Variants in PTCHD4 observed in about 807,000 individuals in gnomAD.
PTCHD4 encodes patched domain containing 4.
Under a neutral mutation model 58.1 loss-of-function variants are expected in PTCHD4, and 33 were observed. The ratio of observed to expected loss-of-function variants is 0.57; its 90% CI spans 0.43 to 0.76. The LOEUF is 0.76. PTCHD4 is among the 30% of genes least tolerant of loss of function. The pLI is 0.00. For synonymous variants in PTCHD4, 478 were observed against 409.6 expected, an observed-to-expected ratio of 1.17 and a Z score of -2.02; for missense variants, 1,058 against 1,027.1, an observed-to-expected ratio of 1.03 and a Z score of -0.41.
rs368422663 is a variant in PTCHD4 at position 47,953,654 on chromosome 6, C to T, written c.898+54980G>A. 1.4e-4 allele frequency among the ~76,000 whole-genome samples: 22 copies of T among 152,148 alleles called. No homozygotes were observed. The East Asian group carries it at 2.9e-3, about 20-fold the overall frequency. ...AAGTAGAATGAAGCCACGTGTATCTCGGTCCAAAGTGCTTTGCATGTAAAA... is the reference window on the plus strand; with the variant it reads ...AAGTAGAATGAAGCCACGTGTATCTTGGTCCAAAGTGCTTTGCATGTAAAA... On this transcript the variant is annotated intron_variant, in intron 4 of 4. Transcript: ENST00000339488.
At chr6:47,880,896 C>G (rs1030404570) in intron 4 of PTCHD4, among the ~76,000 whole-genome samples, 1 of 152,158 alleles carries the variant, frequency 6.6e-6, no homozygotes, top group Non-Finnish European at 1.5e-5. Flanking sequence ...AGGTATTATA[C>G]TATATCTGCA....
rs147061904 is a variant in PTCHD4 at position 48,010,135 on chromosome 6, G to A, written c.418-1021C>T. On this transcript the variant is annotated intron_variant, in intron 3 of 4. Transcript: ENST00000339488. ...TGGCAATGGTTCTCAGAATACTGAA[G>A]CTAGTAGCAGGTTGCATGATGAAGT... Among the ~76,000 whole-genome samples the A allele has an allele frequency of 7.9e-5, 12 of 152,328 alleles. No homozygotes were observed. The East Asian group carries it at 2.3e-3, about 29-fold the overall frequency.
At chr6:48,009,146 AC>A (rs1243119380) in intron 3 of PTCHD4, 32 bp from the exon 4 acceptor site, 1 of 1,563,258 alleles carries the variant, frequency 6.4e-7, no homozygotes. Context: ...GACTTCAGTT[AC>A]GGATGTATAT....
intron 3 of PTCHD4, among the ~76,000 whole-genome samples, chr6:48,051,626 A>G (rs184785238): frequency 6.6e-6 from 1 of 151,968 alleles, no homozygotes; most frequent in Admixed American, 6.6e-5. Context: ...CCTGCTTTGT[A>G]TTCATTTTTT....
chr6:47,900,201 T>A (rs1458608342), intron 4 of PTCHD4: 2 of 152,230 alleles, frequency 1.3e-5, no homozygotes, highest in Non-Finnish European at 2.9e-5. Flanking sequence ...TTTTAGGAAC[T>A]GTCAGACTAT....
chr6:48,074,303 G>T (rs1253624776), intron 1 of PTCHD4, among the ~76,000 whole-genome samples: 1 of 152,182 alleles, frequency 6.6e-6, no homozygotes, highest in Non-Finnish European at 1.5e-5. Context: ...TATAGAGCTG[G>T]TTAATTTAGA....
intron 4 of PTCHD4, among the ~76,000 whole-genome samples, chr6:47,984,754 T>C (rs989542368): frequency 6.6e-6 from 1 of 152,002 alleles, no homozygotes; most frequent in African/African-American, 2.4e-5. Flanking sequence ...ACTATAAATA[T>C]GGTTTAATTA....
chr6:47,867,543 A>G lies in PTCHD4; in HGVS notation c.*10760T>C, dbSNP rs1763603248. On this transcript the variant is annotated 3_prime_UTR_variant, in exon 5 of 5. Transcript: ENST00000339488. ...CCCCATATCCTGGCAATGCTTTATA[A>G]TACCACTCACAATGGGCGCTTCCTT... Among the ~76,000 whole-genome samples, 1 of 151,646 alleles carries G rather than the reference A, an allele frequency of 6.6e-6. No homozygotes were observed. The highest frequency in any genetic ancestry group is 1.5e-5 in the Non-Finnish European group (1 of 67,790).
intron 4 of PTCHD4, among the ~76,000 whole-genome samples, chr6:47,968,294 A>G (rs1354101872): frequency 1.3e-5 from 2 of 152,210 alleles, no homozygotes; most frequent in African/African-American, 4.8e-5. Context: ...GATGTCTTAC[A>G]TGGGTGTGGT....
intron 1 of PTCHD4, among the ~76,000 whole-genome samples, chr6:48,088,193 C>A (rs919611898): frequency 6.6e-5 from 10 of 152,036 alleles, no homozygotes; most frequent in Admixed American, 3.3e-4. Flanking sequence ...AAGCAATATT[C>A]TTTGTGTTTT....
At chr6:48,033,115 T>C (rs115055655) in intron 3 of PTCHD4, among the ~76,000 whole-genome samples, 1,920 of 152,216 alleles carry the variant, frequency 0.013, 39 homozygotes, top group South Asian at 0.045. Flanking sequence ...AATTTATACA[T>C]GAAATTCAAA....
chr6:48,034,096 C>T (rs1174547202), intron 3 of PTCHD4, among the ~76,000 whole-genome samples: 6 of 151,918 alleles, frequency 3.9e-5, no homozygotes, highest in Admixed American at 2.6e-4. Flanking sequence ...CATAAGGATC[C>T]CTTAAAGAAT....
At chr6:47,888,341 C>T (rs1263034373) in intron 4 of PTCHD4, among the ~76,000 whole-genome samples, 2 of 151,764 alleles carry the variant, frequency 1.3e-5, no homozygotes, top group South Asian at 2.1e-4. Context: ...TGGGCGACAG[C>T]GCGAGACTCA....
At chr6:47,960,250 T>C (rs556505414) in intron 4 of PTCHD4, among the ~76,000 whole-genome samples, 14 of 151,908 alleles carry the variant, frequency 9.2e-5, no homozygotes, top group African/African-American at 3.1e-4. Context: ...GGAGATAAGA[T>C]AGAATAACAA....
chr6:48,059,390 C>T lies in PTCHD4; in HGVS notation c.417+8840G>A, dbSNP rs759804230. 4.0e-4 allele frequency among the ~76,000 whole-genome samples: 61 copies of T among 152,116 alleles called. 1 individual carries two copies. The highest frequency in any genetic ancestry group is 7.4e-5 in the Non-Finnish European group (5 of 68,014). On this transcript the variant is annotated intron_variant, in intron 3 of 4. Coordinates refer to ENST00000339488, the MANE Select transcript of PTCHD4 (RefSeq NM_001384253.1). ...GCGGGGTGGTTCACGCCTGTAATCC[C>T]AGCACTTTGGGAGGCGGAAGTGGGC...
chr6:47,991,482 A>G (rs1768278390), intron 4 of PTCHD4, among the ~76,000 whole-genome samples: 2 of 152,180 alleles, frequency 1.3e-5, no homozygotes, highest in South Asian at 4.1e-4. Flanking sequence ...AATGTTCTTT[A>G]GAAAGAAGAC....
chr6:47,964,865 C>T (rs2113975599), intron 4 of PTCHD4, among the ~76,000 whole-genome samples: 1 of 152,194 alleles, frequency 6.6e-6, no homozygotes, highest in South Asian at 2.1e-4. Flanking sequence ...GTTGAAATAA[C>T]ATTTTATTTT....
At chr6:47,949,997 G>T (rs189855988) in intron 4 of PTCHD4, among the ~76,000 whole-genome samples, 1 of 151,348 alleles carries the variant, frequency 6.6e-6, no homozygotes, top group African/African-American at 2.4e-5. Flanking sequence ...ATCATTTAGC[G>T]TTAGGTATAT....
chr6:47,905,258 T>A (rs1428974851), intron 4 of PTCHD4, among the ~76,000 whole-genome samples: 1 of 152,150 alleles, frequency 6.6e-6, no homozygotes, highest in East Asian at 1.9e-4. Context: ...GATTTTACCT[T>A]TTATATACCA....
Sources: gnomAD v4.1 joint callset for allele counts (sites outside exome capture counted in the v4.1 genomes callset) on GRCh38, gnomAD v4.1.1 for gene constraint, MANE v1.5 for transcripts, NCBI Gene and HGNC (gene_info 2026-07-23, HGNC 2026-07-21) for gene names.